The following NR2F1-AS1 variants were observed in gnomAD, a reference collection of about 807,000 sequenced individuals.
NR2F1-AS1 encodes NR2F1 regulatory antisense RNA 1.
intron 4 of NR2F1-AS1, among the ~76,000 whole-genome samples, chr5:93,546,692 A>G (rs1330601497): frequency 6.6e-6 from 1 of 152,146 alleles, no homozygotes; most frequent in Non-Finnish European, 1.5e-5. Flanking sequence ...GAAGTTGCCT[A>G]ATATATTCTT....
chr5:93,473,030 A>G, intron 4 of NR2F1-AS1, among the ~76,000 whole-genome samples: 1 of 151,964 alleles, frequency 6.6e-6, no homozygotes, highest in Admixed American at 6.6e-5. Flanking sequence ...AGATGATTAA[A>G]CCAAGTTAAG....
intron 4 of NR2F1-AS1, among the ~76,000 whole-genome samples, chr5:93,426,929 T>C (rs575169796): frequency 6.6e-6 from 1 of 152,342 alleles, no homozygotes; most frequent in South Asian, 2.1e-4. Flanking sequence ...TTTCTGGTAG[T>C]ACAGGACTTG....
intron 4 of NR2F1-AS1, among the ~76,000 whole-genome samples, chr5:93,426,108 T>G (rs924024324): frequency 1.3e-5 from 2 of 151,860 alleles, no homozygotes; most frequent in African/African-American, 4.8e-5. Context: ...AGTGCAGTGG[T>G]GCCATCTTGG....
At chr5:93,550,785 C>T (rs1312164993) in intron 4 of NR2F1-AS1, among the ~76,000 whole-genome samples, 4 of 152,126 alleles carry the variant, frequency 2.6e-5, no homozygotes, top group African/African-American at 9.7e-5. Flanking sequence ...TCTCTTATTA[C>T]TGTTACAAGA....
chr5:93,420,994 A>G (rs1749075811), intron 4 of NR2F1-AS1, among the ~76,000 whole-genome samples: 1 of 152,210 alleles, frequency 6.6e-6, no homozygotes, highest in Non-Finnish European at 1.5e-5. Context: ...ATCCAAAATC[A>G]TGCTTCATAA....
chr5:93,440,203 C>G (rs991034991), intron 4 of NR2F1-AS1, among the ~76,000 whole-genome samples: 3 of 151,130 alleles, frequency 2.0e-5, no homozygotes. Context: ...GTCTCTCTCT[C>G]TCTCTCTCTC....
chr5:93,427,486 A>G (rs1749218748), intron 4 of NR2F1-AS1, among the ~76,000 whole-genome samples: 2 of 152,178 alleles, frequency 1.3e-5, no homozygotes, highest in South Asian at 2.1e-4. Flanking sequence ...CCTGTAAATG[A>G]AACTCCACTG....
chr5:93,433,249 G>C (rs1749363030), intron 4 of NR2F1-AS1, among the ~76,000 whole-genome samples: 1 of 152,080 alleles, frequency 6.6e-6, no homozygotes, highest in Non-Finnish European at 1.5e-5. Flanking sequence ...TTCGTTGTTG[G>C]GTTTTCTCCT....
At chr5:93,513,359 T>C (rs1015241599) in intron 4 of NR2F1-AS1, among the ~76,000 whole-genome samples, 3 of 152,134 alleles carry the variant, frequency 2.0e-5, no homozygotes, top group African/African-American at 7.2e-5. Flanking sequence ...AAGACACATG[T>C]ACTTGTATGT....
chr5:93,543,390 T>G (rs1005699617), intron 4 of NR2F1-AS1: 4 of 151,878 alleles, frequency 2.6e-5, no homozygotes, highest in African/African-American at 9.7e-5. Context: ...GATAGGAAAC[T>G]ACAAAAAAAA....
In NR2F1-AS1 at chr5:93,448,456, C is replaced by T. The variant is rs139757177; in HGVS notation, n.639-52914G>A. 5.3e-3 allele frequency among the ~76,000 whole-genome samples: 813 copies of T among 152,282 alleles called. 5 individuals carry two copies. Among genetic ancestry groups the T allele is most frequent in the African/African-American group, 0.019 (769 of 41,556 alleles). On this transcript the variant is annotated intron_variant and non_coding_transcript_variant, in intron 4 of 5. Coordinates refer to ENST00000660523, the Ensembl canonical transcript of NR2F1-AS1. ...AAAGACAATGGCTGGTCTCGTGGCT[C>T]TTTCTCCTTGTCTAGCCTCAATTGT...
At position 93,455,843 on chromosome 5, in the gene NR2F1-AS1, G is replaced by GCACA. The variant is rs148016646; in HGVS notation, n.639-60305_639-60302dup. On this transcript the variant is annotated intron_variant and non_coding_transcript_variant, in intron 4 of 5. Transcript: ENST00000660523. ...TTTACCATGTTAACTACACACACAC[G>GCACA]CACACACACACACACACACACACCT... 9.5e-3 allele frequency among the ~76,000 whole-genome samples: 1,384 copies of GCACA among 145,882 alleles called. 18 individuals are homozygous for GCACA. Among genetic ancestry groups the GCACA allele is most frequent in the African/African-American group, 0.031 (1,257 of 40,378 alleles).
chr5:93,533,598 T>A (rs1394149377), intron 4 of NR2F1-AS1, among the ~76,000 whole-genome samples: 1 of 152,166 alleles, frequency 6.6e-6, no homozygotes, highest in Non-Finnish European at 1.5e-5. Context: ...TTCTCTTTTT[T>A]AATCTAAGAA....
At chr5:93,551,723 A>G (rs1392431664) in intron 4 of NR2F1-AS1, among the ~76,000 whole-genome samples, 5 of 152,272 alleles carry the variant, frequency 3.3e-5, no homozygotes, top group South Asian at 2.1e-4. Context: ...TCCTTAGGGA[A>G]AGTAATAGAG....
chr5:93,418,963 T>A (rs1412187974), intron 4 of NR2F1-AS1, among the ~76,000 whole-genome samples: 1 of 152,188 alleles, frequency 6.6e-6, no homozygotes, highest in Non-Finnish European at 1.5e-5. Flanking sequence ...AACCTATGAG[T>A]TCCTCATTAT....
chr5:93,486,309 A>G (rs1750715833), intron 4 of NR2F1-AS1, among the ~76,000 whole-genome samples: 1 of 152,076 alleles, frequency 6.6e-6, no homozygotes, highest in Non-Finnish European at 1.5e-5. Flanking sequence ...TGAATCCAGG[A>G]GCTGTTTTTT....
intron 4 of NR2F1-AS1, among the ~76,000 whole-genome samples, chr5:93,475,597 T>A (rs1441301255): frequency 6.6e-6 from 1 of 152,210 alleles, no homozygotes; most frequent in Non-Finnish European, 1.5e-5. Context: ...TCTTACTAGA[T>A]AATTCCTTTC....
chr5:93,512,450 CTTTA>C (rs1234878311), intron 4 of NR2F1-AS1, among the ~76,000 whole-genome samples: 1 of 152,036 alleles, frequency 6.6e-6, no homozygotes, highest in African/African-American at 2.4e-5. Context: ...AATTTATCAA[CTTTA>C]TTTAAAGTAT....
chr5:93,578,930 T>A (rs1286943394), intron 1 of NR2F1-AS1, among the ~76,000 whole-genome samples: 1 of 152,140 alleles, frequency 6.6e-6, no homozygotes, highest in Non-Finnish European at 1.5e-5. Context: ...TTGGGACCAG[T>A]ATCAAAAGAG....
Sources: allele counts gnomAD v4.1 joint callset (sites outside exome capture counted in the v4.1 genomes callset), GRCh38; gene constraint gnomAD v4.1.1; transcripts MANE v1.5; gene names NCBI Gene and HGNC (gene_info 2026-07-23, HGNC 2026-07-21).